Variants in FNBP1 observed in about 807,000 individuals in gnomAD.
The protein encoded by FNBP1 is formin-binding protein 1.
A neutral mutation model predicts 90.6 loss-of-function variants in FNBP1; 26 were observed. The ratio of observed to expected loss-of-function variants is 0.29; its 90% CI spans 0.21 to 0.40. The LOEUF (loss-of-function observed/expected upper bound fraction) is 0.40. Among genes scored for constraint, FNBP1 ranks in the 10% least tolerant of loss-of-function variants. The pLI is 1.00. For synonymous variants in FNBP1, 260 were observed against 265.2 expected, an observed-to-expected ratio of 0.98 and a Z score of 0.19; for missense variants, 635 against 768.0, an observed-to-expected ratio of 0.83 and a Z score of 2.05.
At chr9:129,948,053 C>G (rs2045601514) in intron 6 of FNBP1, among the ~76,000 whole-genome samples, 1 of 151,022 alleles carries the variant, frequency 6.6e-6, no homozygotes, top group South Asian at 2.1e-4. Context: ...CTTTGTGAAG[C>G]TGAGGCAGGA....
intron 7 of FNBP1, 132 bp from the exon 8 acceptor site, chr9:129,927,473 T>C (rs2042086982): frequency 4.0e-6 from 3 of 749,050 alleles, no homozygotes; most frequent in South Asian, 3.8e-5. Flanking sequence ...CGGCTCTAAG[T>C]ACACGGAGCC....
In FNBP1 at chr9:129,957,556, CT is replaced by C. The variant is rs894166034; in HGVS notation, c.409-93del. The C allele has an allele frequency of 9.1e-4, 847 of 930,048 alleles. No homozygotes were observed. The highest frequency in any genetic ancestry group is 9.8e-4 in the Non-Finnish European group (626 of 636,758). 57.6% of individuals were successfully genotyped at this position (930,048 alleles called of 1,614,324 possible). A position where few individuals can be genotyped will look rare whatever the true frequency, so the allele number is the denominator to read the frequency against. On this transcript the variant is annotated intron_variant, in intron 5 of 16. Coordinates refer to ENST00000446176, the MANE Select transcript of FNBP1 (RefSeq NM_015033.3). This position sits in a 1 kb window ranked among gnomAD's most constrained non-coding sequence, Gnocchi z 4.3. ...GCTCCCAAAGAGCATTGTTCTTTTT[CT>C]TTTTTTTTTCTTCAGTCAGGGTCTC... is the stretch of plus-strand genomic sequence containing the variant.
At chr9:129,987,324 G>A (rs1372387421) in intron 2 of FNBP1, among the ~76,000 whole-genome samples, 3 of 152,006 alleles carry the variant, frequency 2.0e-5, no homozygotes, top group East Asian at 1.9e-4. Context: ...ATGACTCTAC[G>A]TTCAAATATA....
chr9:129,908,123 G>T (rs2038498041), intron 12 of FNBP1, among the ~76,000 whole-genome samples: 1 of 151,784 alleles, frequency 6.6e-6, no homozygotes, highest in African/African-American at 2.4e-5. Context: ...TGGGACTACA[G>T]GTGTGCCATC....
At chr9:129,946,168 C>CA (rs112301215) in intron 6 of FNBP1, among the ~76,000 whole-genome samples, 15,427 of 148,932 alleles carry the variant, frequency 0.1, 885 homozygotes, top group African/African-American at 0.17. Context: ...TACTCTGTTT[C>CA]AAAAAAAAAC....
intron 15 of FNBP1, among the ~76,000 whole-genome samples, chr9:129,898,240 C>T (rs1410733031): frequency 6.6e-6 from 1 of 152,140 alleles, no homozygotes; most frequent in African/African-American, 2.4e-5. Context: ...TAGGGGACCT[C>T]CCATAGCTCC....
At position 129,958,477 on chromosome 9, in the gene FNBP1, C is replaced by T. The variant is rs1454267020; in HGVS notation, c.408+14G>A. ...CTATAAAGCCGTTTCTTTTGCTGTG[C>T]ATTGTTCACTTACAGATTCAAGCTG... On this transcript the variant is annotated intron_variant, in intron 5 of 16. Transcript: ENST00000446176. The T allele has an allele frequency of 6.3e-7, 1 of 1,578,698 alleles. No homozygotes were observed. The highest frequency in any genetic ancestry group is 2.3e-5 in the East Asian group (1 of 43,826).
chr9:129,960,024 T>C (rs1204763144), intron 4 of FNBP1, among the ~76,000 whole-genome samples: 1 of 152,144 alleles, frequency 6.6e-6, no homozygotes, highest in Non-Finnish European at 1.5e-5. Context: ...TGCCAAATGA[T>C]TATTCCATCA....
intron 1 of FNBP1, among the ~76,000 whole-genome samples, chr9:130,021,808 T>TA (rs2057855973): frequency 6.6e-6 from 1 of 152,186 alleles, no homozygotes; most frequent in South Asian, 2.1e-4. Flanking sequence ...CCAAGGAGTG[T>TA]CCATCCCAAA....
At position 130,042,886 on chromosome 9, in the gene FNBP1, TC is replaced by T; in HGVS notation, c.24+65del. On this transcript the variant is annotated intron_variant, in intron 1 of 16. Transcript: ENST00000446176. The surrounding 1 kb of genome is among the most constrained non-coding windows in gnomAD (Gnocchi z 5.5). ...GCCCAGCAGCGCGGCCCGCGCCCCC[TC>T]CCCAGGCCGCGGGGAAACGCAGCGC... 1 of 1,115,278 alleles carries T rather than the reference TC, an allele frequency of 9.0e-7. No homozygotes were observed. Among genetic ancestry groups the T allele is most frequent in the Non-Finnish European group, 1.1e-6 (1 of 885,738 alleles). The allele number at this position is 1,115,278 out of a possible 1,614,324, so 69.1% of individuals were successfully genotyped here. A position where few individuals can be genotyped will look rare whatever the true frequency, so the allele number is the denominator to read the frequency against.
In FNBP1 at chr9:129,929,618, G is replaced by C; in HGVS notation, c.591C>G (p.Phe197Leu). Residue 197 changes from phenylalanine (F) to leucine (L), a missense_variant, in exon 7 of 17, where the codon TTC becomes TTG. Physicochemically the swap from Phe to Leu is conservative, Grantham distance 22. Transcript: ENST00000446176. Reference protein sequence around the residue: ...KADYSSILQKFNHEQHEYYHT... With the variant: ...KADYSSILQKLNHEQHEYYHT... ...GGTAATATTCATGCTGCTCATGGTT[G>C]AATTTCTGGAGAATGGATGAGTAAT... 1 of 1,613,786 alleles carries C rather than the reference G, an allele frequency of 6.2e-7. No homozygotes were observed. Among genetic ancestry groups the C allele is most frequent in the Non-Finnish European group, 8.5e-7 (1 of 1,179,716 alleles).
At position 129,929,495 on chromosome 9, in the gene FNBP1, G is replaced by A. The variant is rs922457747; in HGVS notation, c.642+72C>T. On this transcript the variant is annotated intron_variant, in intron 7 of 16. Coordinates refer to ENST00000446176, the MANE Select transcript of FNBP1 (RefSeq NM_015033.3). The stretch of plus-strand genomic sequence containing the variant: ...CTCAGAATACAAACCCAGCAATCAC[G>A]ATTCAGAAGTGTCATGTTTCTAAGG... 30 of 1,358,054 alleles carry A rather than the reference G, an allele frequency of 2.2e-5. No individual in the cohort carries two copies. In the Admixed American group the frequency reaches 2.4e-4, roughly 11 times the overall value. The allele number at this position is 1,358,054 out of a possible 1,614,324, so 84.1% of individuals were successfully genotyped here. A position where few individuals can be genotyped will look rare whatever the true frequency, so the allele number is the denominator to read the frequency against.
At chr9:129,993,224 CAA>C (rs200526839) in intron 2 of FNBP1, among the ~76,000 whole-genome samples, 47 of 130,042 alleles carry the variant, frequency 3.6e-4, no homozygotes, top group African/African-American at 1.2e-3. Context: ...GAGACTGTCT[CAA>C]AAAAAAAAAA....
intron 1 of FNBP1, among the ~76,000 whole-genome samples, chr9:130,033,575 C>T (rs991977646): frequency 1.3e-5 from 2 of 152,060 alleles, no homozygotes; most frequent in Non-Finnish European, 2.9e-5. Context: ...TGGTGGCTCA[C>T]GCCTGTAATC....
chr9:130,037,768 A>T (rs2059452698), intron 1 of FNBP1, among the ~76,000 whole-genome samples: 1 of 152,208 alleles, frequency 6.6e-6, no homozygotes, highest in African/African-American at 2.4e-5. Flanking sequence ...AGATACCTAA[A>T]ATTATATATA....
chr9:129,909,523 C>T (rs1016830895), intron 11 of FNBP1, among the ~76,000 whole-genome samples: 1 of 152,058 alleles, frequency 6.6e-6, no homozygotes, highest in East Asian at 1.9e-4. Flanking sequence ...GATGGGACAT[C>T]ACATTCCTCA....
At chr9:129,962,718 G>C (rs1364150338) in intron 4 of FNBP1, among the ~76,000 whole-genome samples, 2 of 152,142 alleles carry the variant, frequency 1.3e-5, no homozygotes, top group African/African-American at 4.8e-5. Flanking sequence ...AGCCCCTTGG[G>C]GCTTCGTTTT....
intron 1 of FNBP1, among the ~76,000 whole-genome samples, chr9:130,025,155 G>A (rs2058224129): frequency 6.6e-6 from 1 of 151,848 alleles, no homozygotes; most frequent in African/African-American, 2.4e-5. Context: ...ACTCCAGCCT[G>A]GGTGACAGAA....
chr9:129,974,509 C>T (rs2050001781), intron 4 of FNBP1, among the ~76,000 whole-genome samples: 1 of 152,158 alleles, frequency 6.6e-6, no homozygotes, highest in Admixed American at 6.6e-5. Context: ...GGTTAGTATA[C>T]CATAATGCTA....
Sources: gnomAD v4.1 joint callset for allele counts (sites outside exome capture counted in the v4.1 genomes callset) on GRCh38, gnomAD v4.1.1 for gene constraint, Gnocchi (gnomAD v3.1) non-coding constraint, MANE v1.5 for transcripts, NCBI Gene and HGNC (gene_info 2026-07-23, HGNC 2026-07-21) for gene names.